The following HDAC4 variants were observed in gnomAD, a reference collection of about 807,000 sequenced individuals.
HDAC4 encodes histone deacetylase A.
Under a neutral mutation model 135.1 loss-of-function variants are expected in HDAC4, and 16 were observed. The observed-to-expected ratio is 0.12, with a 90% CI of 0.08 to 0.18. The LOEUF (loss-of-function observed/expected upper bound fraction) is 0.18, where lower values mean the gene tolerates loss of function less well. HDAC4 is among the 10% of genes least tolerant of loss of function. The pLI, the probability that HDAC4 is intolerant of heterozygous loss-of-function variation, is 1.00. For synonymous variants in HDAC4, 685 were observed against 653.4 expected (o/e 1.05, Z -0.74); for missense variants, 1,143 against 1,511.8 (o/e 0.76, Z 4.05).
At chr2:239,235,914 C>T (rs945710578) in intron 3 of HDAC4, among the ~76,000 whole-genome samples, 1 of 152,130 alleles carries the variant, frequency 6.6e-6, no homozygotes, top group African/African-American at 2.4e-5. Flanking sequence ...TGGCACACAC[C>T]TGTAATCCCA....
intron 3 of HDAC4, among the ~76,000 whole-genome samples, chr2:239,208,720 C>T (rs543747747): frequency 6.7e-5 from 10 of 149,916 alleles, no homozygotes; most frequent in Admixed American, 2.0e-4. Context: ...AAATGTAATA[C>T]GGTGTTAGAT....
At chr2:239,067,001 G>C in intron 23 of HDAC4, 146 bp from the exon 24 acceptor site, 1 of 941,078 alleles carries the variant, frequency 1.1e-6, no homozygotes, top group Non-Finnish European at 1.6e-6. Flanking sequence ...TAATAAATTC[G>C]CTGAAGAGTT....
At position 239,068,674 on chromosome 2, in the gene HDAC4, A is replaced by ACTGCACTTGCTTGGTGAG; in HGVS notation, c.2751-68_2751-67insCTCACCAAGCAAGTGCAG. Reference sequence around the variant, plus strand: ...AGGGACGGGACGGTCACAAAACCCCAAGGTTCCCTCTGGCATTGATAATGC... The same window carrying ACTGCACTTGCTTGGTGAG: ...AGGGACGGGACGGTCACAAAACCCCACTGCACTTGCTTGGTGAGAGGTTCCCTCTGGCATTGATAATGC... On this transcript the variant is annotated intron_variant, in intron 22 of 26. Transcript: ENST00000543185. This position sits in a 1 kb window ranked among gnomAD's most constrained non-coding sequence, Gnocchi z 4.4. The ACTGCACTTGCTTGGTGAG allele has an allele frequency of 2.2e-6, 3 of 1,377,288 alleles. No individual in the cohort carries two copies. The highest frequency in any genetic ancestry group is 3.1e-6 in the Non-Finnish European group (3 of 965,430). The allele number at this position is 1,377,288 out of a possible 1,614,324, so 85.3% of individuals were successfully genotyped here. A position where few individuals can be genotyped will look rare whatever the true frequency, so the allele number is the denominator to read the frequency against.
intron 11 of HDAC4, among the ~76,000 whole-genome samples, chr2:239,127,972 T>G (rs2040311496): frequency 6.6e-6 from 1 of 152,198 alleles, no homozygotes; most frequent in African/African-American, 2.4e-5. Context: ...TTTCTAAATT[T>G]AAGAAATACT....
intron 1 of HDAC4, among the ~76,000 whole-genome samples, chr2:239,377,236 C>T (rs200928919): frequency 1.8e-4 from 21 of 115,716 alleles, no homozygotes; most frequent in South Asian, 5.8e-4. Flanking sequence ...CCAGCTCAGG[C>T]GTCGCCACCA....
chr2:239,140,355 C>A (rs751901931), intron 8 of HDAC4, among the ~76,000 whole-genome samples: 1 of 152,118 alleles, frequency 6.6e-6, no homozygotes, highest in Non-Finnish European at 1.5e-5. Flanking sequence ...CTTTAACCAT[C>A]GGTGCGGCTT....
chr2:239,183,350 C>A (rs1459946722), intron 4 of HDAC4, among the ~76,000 whole-genome samples: 1 of 152,260 alleles, frequency 6.6e-6, no homozygotes, highest in Non-Finnish European at 1.5e-5. Flanking sequence ...TCTTTTTCAA[C>A]TTGCCAGGGG....
chr2:239,246,940 C>T (rs2048500895), intron 2 of HDAC4, among the ~76,000 whole-genome samples: 1 of 152,268 alleles, frequency 6.6e-6, no homozygotes, highest in Non-Finnish European at 1.5e-5. Flanking sequence ...GGAGGATCAC[C>T]TGGCATGCAC....
At chr2:239,208,326 C>CAAAAAAA (rs759398313) in intron 3 of HDAC4, among the ~76,000 whole-genome samples, 9 of 68,214 alleles carry the variant, frequency 1.3e-4, no homozygotes, top group African/African-American at 2.1e-4. Flanking sequence ...GACTCCGTCC[C>CAAAAAAA]AAAAAAAAAA....
At chr2:239,177,541 C>G (rs1285039388) in intron 4 of HDAC4, among the ~76,000 whole-genome samples, 1 of 152,230 alleles carries the variant, frequency 6.6e-6, no homozygotes, top group African/African-American at 2.4e-5. Flanking sequence ...GAGTGTCCGA[C>G]CTGTTGACTG....
At chr2:239,191,081 C>T (rs1316888818) in intron 3 of HDAC4, 2 of 442,734 alleles carry the variant, frequency 4.5e-6, no homozygotes, top group African/African-American at 4.0e-5. Context: ...AGTGAGAGCC[C>T]AGCCTGCCTG....
intron 24 of HDAC4, among the ~76,000 whole-genome samples, chr2:239,065,836 C>T (rs116371932): frequency 0.039 from 5,970 of 152,332 alleles, 176 homozygotes; most frequent in South Asian, 0.058. Context: ...CCAGGCAGAG[C>T]TCTGCGTGGG....
rs533494163 is a variant in HDAC4 at position 239,393,042 on chromosome 2, C to T, written c.-220+7936G>A. Among the ~76,000 whole-genome samples, 8 of 152,310 alleles carry T rather than the reference C, an allele frequency of 5.3e-5. No individual in the cohort carries two copies. In the South Asian group the frequency reaches 6.2e-4, roughly 12 times the overall value. On this transcript the variant is annotated intron_variant, in intron 1 of 26. Transcript: ENST00000543185. Reference sequence around the variant, plus strand: ...TGGACCTAGGCACAGAGGAAGCTCTCGCCAGCACTGCTAGAAGGAAGGAAC... The same window carrying T: ...TGGACCTAGGCACAGAGGAAGCTCTTGCCAGCACTGCTAGAAGGAAGGAAC...
chr2:239,124,924 G>A (rs991867277), intron 12 of HDAC4, among the ~76,000 whole-genome samples: 1 of 148,894 alleles, frequency 6.7e-6, no homozygotes, highest in Non-Finnish European at 1.5e-5. Context: ...GTGTGCTGGC[G>A]TGTGGCTGCG....
chr2:239,068,533 T>C lies in HDAC4; in HGVS notation c.2825A>G (p.Glu942Gly). ...GCCCCCAAGAGGGGTGGGGTGGCCCTCCACGGCATCGAAGCCTGATGACAC... is the reference window on the plus strand; with the variant it reads ...GCCCCCAAGAGGGGTGGGGTGGCCCCCCACGGCATCGAAGCCTGATGACAC... ...VLVSSGFDAV[E>G]GHPTPLGGYN... The change falls in exon 23 of 27, where the codon GAG becomes GGG. Residue 942 changes from glutamate (E) to glycine (G), a missense_variant. Glu to Gly is a moderately conservative substitution (Grantham distance 98). This residue lies in a region of HDAC4 where 189 missense variants were observed against 317.6 expected (regional missense o/e 0.60). Transcript: ENST00000543185. This position sits in a 1 kb window ranked among gnomAD's most constrained non-coding sequence, Gnocchi z 4.4. 6.2e-7 allele frequency: 1 copy of C among 1,613,938 alleles called. No homozygotes were observed. The highest frequency in any genetic ancestry group is 1.1e-5 in the South Asian group (1 of 91,078).
At chr2:239,100,560 T>C (rs2037518134) in intron 16 of HDAC4, among the ~76,000 whole-genome samples, 1 of 152,162 alleles carries the variant, frequency 6.6e-6, no homozygotes. Flanking sequence ...TCCAGGTCCC[T>C]GTCCAGCCGT....
At chr2:239,170,612 A>C (rs1449521979) in intron 5 of HDAC4, among the ~76,000 whole-genome samples, 1 of 152,372 alleles carries the variant, frequency 6.6e-6, no homozygotes, top group South Asian at 2.1e-4. Context: ...TGGTGTTTTC[A>C]ATAATGTAAC....
At chr2:239,093,663 C>T (rs919116538) in intron 17 of HDAC4, among the ~76,000 whole-genome samples, 1 of 152,242 alleles carries the variant, frequency 6.6e-6, no homozygotes, top group African/African-American at 2.4e-5. Context: ...CCATCAGCAT[C>T]TGCACACCCA....
intron 3 of HDAC4, among the ~76,000 whole-genome samples, chr2:239,203,565 T>G (rs2045883238): frequency 6.6e-6 from 1 of 152,152 alleles, no homozygotes. Context: ...GAAACAGACT[T>G]GGGTTCTAAA....
Sources: allele counts gnomAD v4.1 joint callset (sites outside exome capture counted in the v4.1 genomes callset), GRCh38; gene constraint gnomAD v4.1.1; regional missense constraint gnomAD v4.1.1; non-coding constraint Gnocchi (gnomAD v3.1); transcripts MANE v1.5; gene names NCBI Gene and HGNC (gene_info 2026-07-23, HGNC 2026-07-21).